Variants in LARGE1 observed in about 807,000 individuals in gnomAD.
LARGE1 encodes the protein LARGE xylosyl- and glucuronyltransferase 1.
In LARGE1, 43 loss-of-function variants were observed where a neutral mutation model predicts 87.6. That is an observed-to-expected ratio of 0.49 (90% CI 0.38 to 0.63). LARGE1 has a LOEUF of 0.63. Ranked by LOEUF, LARGE1 falls within the 30% of genes least tolerant of loss-of-function variation. LARGE1 has a pLI of 0.00. For synonymous variants in LARGE1, 434 were observed against 394.6 expected, an observed-to-expected ratio of 1.10 and a Z score of -1.18; for missense variants, 802 against 1,000.2, an observed-to-expected ratio of 0.80 and a Z score of 2.67.
intron 5 of LARGE1, among the ~76,000 whole-genome samples, chr22:33,594,771 T>G (rs2148935458): frequency 6.6e-6 from 1 of 152,318 alleles, no homozygotes; most frequent in South Asian, 2.1e-4. Context: ...CATGCCCGGC[T>G]AATTTTTGCA....
intron 1 of LARGE1, among the ~76,000 whole-genome samples, chr22:33,762,906 G>A (rs1034710511): frequency 3.3e-5 from 5 of 152,288 alleles, no homozygotes; most frequent in East Asian, 1.9e-4. Flanking sequence ...CTAACAGAGC[G>A]GAACTCACCC....
chr22:33,167,460 T>C (rs1281585684), intron 11 of LARGE1, among the ~76,000 whole-genome samples: 2 of 152,194 alleles, frequency 1.3e-5, no homozygotes, highest in African/African-American at 4.8e-5. Context: ...GGGGCAAGGG[T>C]ATGGTTTGGA....
chr22:33,189,183 C>T (rs956435730), intron 11 of LARGE1, among the ~76,000 whole-genome samples: 1 of 152,022 alleles, frequency 6.6e-6, no homozygotes, highest in African/African-American at 2.4e-5. Flanking sequence ...CTACAGTAGC[C>T]GTTGGTGTGC....
At chr22:33,688,308 A>G (rs956618567) in intron 2 of LARGE1, among the ~76,000 whole-genome samples, 39 of 152,170 alleles carry the variant, frequency 2.6e-4, no homozygotes, top group African/African-American at 8.7e-4. Flanking sequence ...TCATTACTTT[A>G]AGCTCAGAGT....
chr22:33,517,316 C>T (rs920305247), intron 6 of LARGE1, among the ~76,000 whole-genome samples: 2 of 152,174 alleles, frequency 1.3e-5, no homozygotes, highest in Non-Finnish European at 2.9e-5. Context: ...GTACTAAAGA[C>T]GCACTCTAAC....
In LARGE1 at chr22:33,274,361, G is replaced by T; in HGVS notation, c.*66C>A. On this transcript the variant is annotated 3_prime_UTR_variant, in exon 15 of 15. Coordinates refer to ENST00000397394, the MANE Select transcript of LARGE1 (RefSeq NM_133642.5). ...TGGCTCAATTTTGAATTTGAAGGCC[G>T]GGCCCCAAACAGCGAGTGGCACTTC... 6.6e-7 allele frequency: 1 copy of T among 1,516,708 alleles called. No homozygotes were observed. Among genetic ancestry groups the T allele is most frequent in the Non-Finnish European group, 9.2e-7 (1 of 1,091,612 alleles). The allele number at this position is 1,516,708 out of a possible 1,614,324, so 94.0% of individuals were successfully genotyped here.
At chr22:33,651,200 T>G (rs1379736383) in intron 2 of LARGE1, among the ~76,000 whole-genome samples, 3 of 76,240 alleles carry the variant, frequency 3.9e-5, no homozygotes, top group Non-Finnish European at 9.4e-5. Context: ...GGCTAACCGG[T>G]GAAACCCGGT....
At chr22:33,130,305 T>C in the LARGE1 span, among the ~76,000 whole-genome samples, 228 of 64,898 alleles carry the variant, frequency 3.5e-3, 1 homozygote, top group Non-Finnish European at 3.8e-3. Context: ...AAGAGTGAGA[T>C]TCCGTCTCAA....
chr22:33,216,430 C>T (rs967316533), intron 11 of LARGE1, among the ~76,000 whole-genome samples: 9 of 151,974 alleles, frequency 5.9e-5, no homozygotes, highest in African/African-American at 1.7e-4. Context: ...AGATCGAGAC[C>T]ATCCTGGCTA....
chr22:33,675,943 C>G (rs2081563902), intron 2 of LARGE1, among the ~76,000 whole-genome samples: 1 of 150,806 alleles, frequency 6.6e-6, no homozygotes, highest in Non-Finnish European at 1.5e-5. Context: ...GAACAAAAAT[C>G]TGTCTCCAAA....
At chr22:33,796,235 A>T (rs1290840143) in intron 1 of LARGE1, among the ~76,000 whole-genome samples, 6 of 152,248 alleles carry the variant, frequency 3.9e-5, no homozygotes. Flanking sequence ...GTATACATCC[A>T]TACACATACA....
intron 1 of LARGE1, among the ~76,000 whole-genome samples, chr22:33,789,552 A>G (rs2085757824): frequency 6.6e-6 from 1 of 152,168 alleles, no homozygotes; most frequent in Non-Finnish European, 1.5e-5. Context: ...ACCAAGCCTC[A>G]GGCACTCAAC....
chr22:33,420,067 G>A lies in LARGE1; in HGVS notation c.892+12094C>T, dbSNP rs185368433. ...CCTGGCCTCTACCCACTAAGTGCCC[G>A]TAGAACCTCCTGGCTGTGACAAGAA... On this transcript the variant is annotated intron_variant, in intron 7 of 14. Transcript: ENST00000397394. 2.4e-3 allele frequency among the ~76,000 whole-genome samples: 358 copies of A among 152,240 alleles called. 2 individuals are homozygous for A. The highest frequency in any genetic ancestry group is 3.7e-3 in the Non-Finnish European group (251 of 68,018).
chr22:33,241,726 T>C (rs1926532510), intron 11 of LARGE1, among the ~76,000 whole-genome samples: 1 of 152,032 alleles, frequency 6.6e-6, no homozygotes, highest in African/African-American at 2.4e-5. Context: ...AATCCTGTCA[T>C]TTAACACAAT....
At chr22:33,404,271 A>T (rs2066022757) in intron 7 of LARGE1, among the ~76,000 whole-genome samples, 1 of 152,218 alleles carries the variant, frequency 6.6e-6, no homozygotes, top group Admixed American at 6.5e-5. Context: ...ACTTAGGCAG[A>T]ATTAGCCACA....
chr22:33,435,100 A>C (rs2067219930), intron 6 of LARGE1, among the ~76,000 whole-genome samples: 2 of 152,046 alleles, frequency 1.3e-5, no homozygotes, highest in African/African-American at 4.8e-5. Context: ...CTCCCGAGTT[A>C]AAGCGATTCT....
intron 6 of LARGE1, among the ~76,000 whole-genome samples, chr22:33,448,064 G>A (rs1033065227): frequency 5.3e-5 from 8 of 151,942 alleles, no homozygotes; most frequent in Non-Finnish European, 8.8e-5. Context: ...CGGAGACAGA[G>A]AGCAGATTAG....
intron 1 of LARGE1, among the ~76,000 whole-genome samples, chr22:33,803,012 A>C (rs1246751123): frequency 6.6e-6 from 1 of 152,186 alleles, no homozygotes; most frequent in African/African-American, 2.4e-5. Flanking sequence ...AGATGGGTGG[A>C]TAGATCAACA....
chr22:33,111,624 C>T, the LARGE1 span, among the ~76,000 whole-genome samples: 65 of 152,260 alleles, frequency 4.3e-4, no homozygotes, highest in Admixed American at 6.5e-4. Context: ...CAAAAAACGT[C>T]ATGGCAACAA....
Sources: gnomAD v4.1 joint callset for allele counts (sites outside exome capture counted in the v4.1 genomes callset) on GRCh38, gnomAD v4.1.1 for gene constraint, MANE v1.5 for transcripts, NCBI Gene and HGNC (gene_info 2026-07-23, HGNC 2026-07-21) for gene names.